Variants in RBP2 observed in about 807,000 individuals in gnomAD.
RBP2 encodes the protein retinol-binding protein 2.
In RBP2, 17 loss-of-function variants were observed where a neutral mutation model predicts 17.0. That is an observed-to-expected ratio of 1.00 (90% confidence interval 0.68 to 1.50). The LOEUF is 1.50. RBP2 is among the 40% of genes most tolerant of loss of function. The probability of loss-of-function intolerance (pLI) is 0.00; values close to 1 mark genes in which losing one functional copy is unlikely to be tolerated. For missense variants in RBP2, 158 were observed against 168.2 expected, an observed-to-expected ratio of 0.94 and a Z score of 0.33; for synonymous variants, 48 against 57.1, an observed-to-expected ratio of 0.84 and a Z score of 0.72.
rs144666561 is a variant in RBP2, at chr3:139,457,578, C to A, written c.253-2748G>T. Among the ~76,000 whole-genome samples, 263 of 152,248 alleles carry A rather than the reference C, an allele frequency of 1.7e-3. 1 individual carries two copies. Among genetic ancestry groups the A allele is most frequent in the African/African-American group, 4.7e-3 (195 of 41,544 alleles). On this transcript the variant is annotated intron_variant, in intron 2 of 3. Coordinates refer to ENST00000232217, the MANE Select transcript of RBP2 (RefSeq NM_004164.3). ...TACCAATAAATTATGATAATACTTA[C>A]AATATTATAGCCTTACTCCTATATA... is the stretch of plus-strand genomic sequence containing the variant.
At chr3:139,463,510 G>A (rs1933264612) in intron 1 of RBP2, among the ~76,000 whole-genome samples, 1 of 152,110 alleles carries the variant, frequency 6.6e-6, no homozygotes, top group Non-Finnish European at 1.5e-5. Context: ...TAAGGGATAG[G>A]TTAATAATTG....
In RBP2 at chr3:139,457,617, G is replaced by T. The variant is rs544358686; in HGVS notation, c.253-2787C>A. Among the ~76,000 whole-genome samples the T allele has an allele frequency of 2.0e-5, 3 of 152,300 alleles. No homozygotes were observed. In the East Asian group the frequency reaches 5.8e-4, roughly 29 times the overall value. On this transcript the variant is annotated intron_variant, in intron 2 of 3. Coordinates refer to ENST00000232217, the MANE Select transcript of RBP2 (RefSeq NM_004164.3). ...TACTCCTATATAAAAATAAGAAGCA[G>T]AAAGAAGAGAATGGTTAAATGAACT...
chr3:139,455,955 G>A (rs925925868), intron 2 of RBP2, among the ~76,000 whole-genome samples: 2 of 152,132 alleles, frequency 1.3e-5, no homozygotes, highest in Non-Finnish European at 2.9e-5. Context: ...TCCTCCTTCT[G>A]TTCCCCACTT....
At chr3:139,474,912 T>C (rs1279370762) in intron 1 of RBP2, among the ~76,000 whole-genome samples, 1 of 152,108 alleles carries the variant, frequency 6.6e-6, no homozygotes, top group Admixed American at 6.5e-5. Context: ...GGGTTGAGGA[T>C]GGGGCTCTGG....
intron 2 of RBP2, among the ~76,000 whole-genome samples, chr3:139,459,262 A>G (rs1205718689): frequency 7.9e-5 from 12 of 152,056 alleles, no homozygotes; most frequent in Non-Finnish European, 1.3e-4. Context: ...GGTGACAGAA[A>G]TTAATCACAG....
At chr3:139,459,902 G>T (rs941306981) in intron 2 of RBP2, among the ~76,000 whole-genome samples, 2 of 152,056 alleles carry the variant, frequency 1.3e-5, no homozygotes, top group Non-Finnish European at 2.9e-5. Flanking sequence ...GGCAAGCTGT[G>T]GGAAAGAGGA....
At chr3:139,475,564 C>T (rs895410711) in intron 1 of RBP2, among the ~76,000 whole-genome samples, 1 of 152,090 alleles carries the variant, frequency 6.6e-6, no homozygotes, top group African/African-American at 2.4e-5. Context: ...GGAGGAAGTT[C>T]CAGCGAAGTT....
At chr3:139,474,781 A>C (rs922229504) in intron 1 of RBP2, among the ~76,000 whole-genome samples, 1 of 152,098 alleles carries the variant, frequency 6.6e-6, no homozygotes, top group Non-Finnish European at 1.5e-5. Context: ...TGGTTTCCTT[A>C]TCTGTATAAT....
At chr3:139,466,332 C>G (rs1006682146) in intron 1 of RBP2, 2 of 152,176 alleles carry the variant, frequency 1.3e-5, no homozygotes, top group Non-Finnish European at 2.9e-5. Flanking sequence ...CCACCTTGGC[C>G]TTGCAATCAT....
At position 139,454,856 on chromosome 3, in the gene RBP2, T is replaced by C. The variant is rs780489036; in HGVS notation, c.253-26A>G. Reference sequence around the variant, plus strand: ...CTGTAAAGACAGATTCCCAGGCAAATCAAACACATGGTCTTGAGGGACTGA... The same window carrying C: ...CTGTAAAGACAGATTCCCAGGCAAACCAAACACATGGTCTTGAGGGACTGA... On this transcript the variant is annotated intron_variant, in intron 2 of 3. Coordinates refer to ENST00000232217, the MANE Select transcript of RBP2 (RefSeq NM_004164.3). The C allele has an allele frequency of 2.5e-6, 4 of 1,598,124 alleles. No individual in the cohort carries two copies. The East Asian group carries it at 8.9e-5, about 36-fold the overall frequency.
intron 1 of RBP2, among the ~76,000 whole-genome samples, chr3:139,465,931 C>CG (rs1933344632): frequency 6.6e-6 from 1 of 152,090 alleles, no homozygotes; most frequent in African/African-American, 2.4e-5. Context: ...GAGAGACGAA[C>CG]GGTCTCTCGG....
At chr3:139,455,289 C>G (rs1170814478) in intron 2 of RBP2, among the ~76,000 whole-genome samples, 1 of 152,158 alleles carries the variant, frequency 6.6e-6, no homozygotes, top group Admixed American at 6.5e-5. Flanking sequence ...CTTAATAGTT[C>G]ACGTTAACAA....
intron 1 of RBP2, among the ~76,000 whole-genome samples, chr3:139,465,139 A>G (rs1428172035): frequency 6.6e-6 from 1 of 152,166 alleles, no homozygotes; most frequent in African/African-American, 2.4e-5. Flanking sequence ...TGGAAGGAAG[A>G]AACAGTTGTT....
chr3:139,454,114 G>T (rs1559803288), intron 3 of RBP2, among the ~76,000 whole-genome samples: 1 of 152,196 alleles, frequency 6.6e-6, no homozygotes, highest in Non-Finnish European at 1.5e-5. Context: ...AGGAGTGAGA[G>T]ATTTTTCACC....
At chr3:139,470,044 C>G (rs572486240) in intron 1 of RBP2, among the ~76,000 whole-genome samples, 1 of 152,216 alleles carries the variant, frequency 6.6e-6, no homozygotes, top group East Asian at 1.9e-4. Context: ...CTGAATTTAT[C>G]TCTGACTATA....
chr3:139,469,736 C>CTATCTATCTAT (rs1397190307), intron 1 of RBP2, among the ~76,000 whole-genome samples: 1 of 118,942 alleles, frequency 8.4e-6, no homozygotes, highest in African/African-American at 2.8e-5. Context: ...TATCTATCTA[C>CTATCTATCTAT]CTACTCATTT....
At chr3:139,461,316 G>A (rs1257526693) in intron 2 of RBP2, among the ~76,000 whole-genome samples, 2 of 152,180 alleles carry the variant, frequency 1.3e-5, no homozygotes, top group African/African-American at 4.8e-5. Context: ...TGGGCTTTGA[G>A]ATAACTCCCT....
intron 2 of RBP2, among the ~76,000 whole-genome samples, chr3:139,457,860 T>C (rs1027827519): frequency 1.3e-5 from 2 of 152,224 alleles, no homozygotes; most frequent in African/African-American, 4.8e-5. Flanking sequence ...CCCACCATGC[T>C]TTCCACTATC....
At chr3:139,475,332 A>T (rs1452436766) in intron 1 of RBP2, among the ~76,000 whole-genome samples, 3 of 151,092 alleles carry the variant, frequency 2.0e-5, no homozygotes, top group Admixed American at 6.6e-5. Flanking sequence ...AATAAAAAAA[A>T]AAAAAAAAAA....
Sources: allele counts gnomAD v4.1 joint callset (sites outside exome capture counted in the v4.1 genomes callset), GRCh38; gene constraint gnomAD v4.1.1; transcripts MANE v1.5; gene names NCBI Gene and HGNC (gene_info 2026-07-23, HGNC 2026-07-21).